The following B4GALNT4 variants were observed in gnomAD, a reference collection of about 807,000 sequenced individuals.
The protein encoded by B4GALNT4 is N-acetyl-beta-glucosaminyl-glycoprotein 4-beta-N-acetylgalactosaminyltransferase 1.
In B4GALNT4, 77 loss-of-function variants were observed where a neutral mutation model predicts 110.0. That is an observed-to-expected ratio of 0.70 (90% CI 0.58 to 0.85). B4GALNT4 has a LOEUF of 0.85. B4GALNT4 is among the 40% of genes least tolerant of loss of function. B4GALNT4 has a pLI of 0.00. For missense variants in B4GALNT4, 1,575 were observed against 1,506.0 expected (o/e 1.05, Z -0.76); for synonymous variants, 785 against 655.5 (o/e 1.20, Z -3.02).
intron 4 of B4GALNT4, 34 bp from the exon 5 acceptor site, chr11:372,992 G>C: frequency 6.2e-7 from 1 of 1,612,490 alleles, no homozygotes. Context: ...GGGCACGCAG[G>C]GGGCTTCGAC....
intron 14 of B4GALNT4, 28 bp downstream of exon 14, chr11:377,355 G>C: frequency 6.8e-7 from 1 of 1,474,274 alleles, no homozygotes; most frequent in East Asian, 2.7e-5. Context: ...CGCGCGCCAG[G>C]GCGGTTTTGG....
Position 371,262 on chromosome 11 carries a change from A to G in B4GALNT4, c.152-847A>G, listed in dbSNP as rs201720853. 7.2e-5 allele frequency among the ~76,000 whole-genome samples: 11 copies of G among 152,302 alleles called. No individual in the cohort carries two copies. The East Asian group carries it at 2.1e-3, about 29-fold the overall frequency. The stretch of plus-strand genomic sequence containing the variant: ...CTGCCCAGGGAGAGGGCGAGTGAGC[A>G]GACTGTTCTGTCGGGGGACCTGGGG... On this transcript the variant is annotated intron_variant, in intron 1 of 19. Transcript: ENST00000329962.
chr11:374,041 C>T (rs183040850), intron 8 of B4GALNT4, among the ~76,000 whole-genome samples: 5 of 152,114 alleles, frequency 3.3e-5, no homozygotes, highest in Admixed American at 1.3e-4. Context: ...GGATGGAGAC[C>T]TTCAGTAGGG....
chr11:381,895 G>A lies in B4GALNT4; in HGVS notation c.*103G>A. 1.5e-6 allele frequency: 2 copies of A among 1,335,470 alleles called. No individual in the cohort carries two copies. Among genetic ancestry groups the A allele is most frequent in the South Asian group, 1.7e-5 (1 of 59,172 alleles). 82.7% of individuals were successfully genotyped at this position (1,335,470 alleles called of 1,614,324 possible). A position where few individuals can be genotyped will look rare whatever the true frequency, so the allele number is the denominator to read the frequency against. ...AGACCCGGCAGGGCTGGTCAGAGGG[G>A]CACAGCCACCGCCTGTGCCTGCCCC... On this transcript the variant is annotated 3_prime_UTR_variant, in exon 20 of 20. Transcript: ENST00000329962.
In B4GALNT4 at chr11:376,537, G is replaced by C; in HGVS notation, c.1414G>C (p.Ala472Pro). 1 of 1,416,942 alleles carries C rather than the reference G, an allele frequency of 7.1e-7. No individual in the cohort carries two copies. Among genetic ancestry groups the C allele is most frequent in the South Asian group, 1.5e-5 (1 of 66,788 alleles). The allele number at this position is 1,416,942 out of a possible 1,614,324, so 87.8% of individuals were successfully genotyped here. A position where few individuals can be genotyped will look rare whatever the true frequency, so the allele number is the denominator to read the frequency against. ...PAPAAPAQPG[A>P]TLAPPTPPRP... ...CCCAGCAGCCCCCGCCCAGCCCGGA[G>C]CCACCCTCGCCCCGCCGACCCCTCC... Residue 472 changes from alanine (A) to proline (P), a missense_variant, in exon 14 of 20, where the codon GCC becomes CCC. Physicochemically the swap from Ala to Pro is conservative, Grantham distance 27. Transcript: ENST00000329962.
At position 369,927 on chromosome 11, in the gene B4GALNT4, C is replaced by T; in HGVS notation, c.124C>T (p.Leu42=). The T allele has an allele frequency of 1.0e-6, 1 of 977,764 alleles. No individual in the cohort carries two copies. The highest frequency in any genetic ancestry group is 1.8e-5 in the African/African-American group (1 of 55,462). 60.6% of individuals were successfully genotyped at this position (977,764 alleles called of 1,614,324 possible). Reference sequence around the variant, plus strand: ...GGGCCTGGTGCGCCAGGGACGCGCGCTGCGCCAGCGCCTGGGCTACGGGCG... The same window carrying T: ...GGGCCTGGTGCGCCAGGGACGCGCGTTGCGCCAGCGCCTGGGCTACGGGCG... ...HLGLVRQGRA[L]RQRLGYGRDG... Residue 42 remains leucine (L), a synonymous_variant, in exon 1 of 20, where the codon CTG becomes TTG. Coordinates refer to ENST00000329962, the MANE Select transcript of B4GALNT4 (RefSeq NM_178537.5).
chr11:370,195 C>A (rs533601508), intron 1 of B4GALNT4, among the ~76,000 whole-genome samples: 1 of 151,968 alleles, frequency 6.6e-6, no homozygotes, highest in East Asian at 1.9e-4. Context: ...CGCTCGATGA[C>A]GTCGGCAGTG....
intron 11 of B4GALNT4, 26 bp downstream of exon 11, chr11:375,982 C>T (rs1846738651): frequency 6.2e-7 from 1 of 1,608,170 alleles, no homozygotes; most frequent in South Asian, 1.1e-5. Context: ...GACCCCGTCT[C>T]CCGTCCGGGA....
At chr11:372,635 G>A (rs1316935126) in intron 2 of B4GALNT4, 27 bp from the exon 3 acceptor site, 2 of 1,596,614 alleles carry the variant, frequency 1.3e-6, no homozygotes, top group Non-Finnish European at 1.7e-6. Context: ...TTCCAACCCT[G>A]ACCCTGTTGC....
In B4GALNT4 at chr11:376,435, G is replaced by A; in HGVS notation, c.1312G>A (p.Glu438Lys). 2.5e-6 allele frequency: 4 copies of A among 1,597,312 alleles called. No homozygotes were observed. The highest frequency in any genetic ancestry group is 3.4e-6 in the Non-Finnish European group (4 of 1,178,514). The change falls in exon 14 of 20, where the codon GAG becomes AAG. Residue 438 changes from glutamate to lysine, a missense_variant. Physicochemically the swap from Glu to Lys is moderately conservative, Grantham distance 56. Transcript: ENST00000329962. ...GTTTCCCGCAGACTTCCTGGACGAC[G>A]AGGACGAGGGGGAGCTGCTCGACAG... ...FLNPDDFLDD[E>K]DEGELLDSLE...
rs968711923 is a variant in B4GALNT4 at position 380,498 on chromosome 11, C to T, written c.2869+53C>T. 3 of 1,536,028 alleles carry T rather than the reference C, an allele frequency of 2.0e-6. No individual in the cohort carries two copies. The South Asian group carries it at 3.5e-5, about 18-fold the overall frequency. On this transcript the variant is annotated intron_variant, in intron 18 of 19. Coordinates refer to ENST00000329962, the MANE Select transcript of B4GALNT4 (RefSeq NM_178537.5). ...ATACCAGGGTTCCCACCAACCGCCG[C>T]GGTAAAGTCCAGGAACCCGGGGCCT...
intron 8 of B4GALNT4, 66 bp from the exon 9 acceptor site, chr11:375,395 T>A (rs1846722333): frequency 6.5e-7 from 1 of 1,531,654 alleles, no homozygotes; most frequent in Non-Finnish European, 9.0e-7. Flanking sequence ...TGAGCCAGGG[T>A]AGACCCTTTC....
intron 17 of B4GALNT4, 39 bp from the exon 18 acceptor site, chr11:380,253 G>C: frequency 6.2e-7 from 1 of 1,609,376 alleles, no homozygotes; most frequent in South Asian, 1.1e-5. Flanking sequence ...TGCCCGGGGA[G>C]GAGCGGAGGG....
rs1176183341 is a variant in B4GALNT4, at chr11:376,995, C to T, written c.1872C>T (p.Pro624=). ...VDSNLSSEAR[P]VTSFLSLSQV... ...CAAACTTGTCCTCCGAAGCGCGGCC[C>T]GTGACCTCCTTCCTGAGCTTGTCCC... is the stretch of plus-strand genomic sequence containing the variant. The change falls in exon 14 of 20, where the codon CCC becomes CCT. Residue 624 remains proline, a synonymous_variant. Coordinates refer to ENST00000329962, the MANE Select transcript of B4GALNT4 (RefSeq NM_178537.5). 1.1e-5 allele frequency: 16 copies of T among 1,454,254 alleles called. No homozygotes were observed. The highest frequency in any genetic ancestry group is 7.5e-5 in the African/African-American group (5 of 66,540). The allele number at this position is 1,454,254 out of a possible 1,614,324, so 90.1% of individuals were successfully genotyped here. A position where few individuals can be genotyped will look rare whatever the true frequency, so the allele number is the denominator to read the frequency against.
chr11:381,161 C>T (rs1211337822), intron 19 of B4GALNT4: 7 of 984,132 alleles, frequency 7.1e-6, no homozygotes, highest in Admixed American at 6.2e-5. Flanking sequence ...CCTGCAAGGT[C>T]AGGGACATCC....
intron 13 of B4GALNT4, 21 bp from the exon 14 acceptor site, chr11:376,400 T>G: frequency 1.2e-6 from 2 of 1,602,042 alleles, no homozygotes; most frequent in Non-Finnish European, 1.7e-6. Flanking sequence ...GCAGGGAGCT[T>G]CTAACCCGCG....
intron 14 of B4GALNT4, 61 bp from the exon 15 acceptor site, chr11:379,357 A>C: frequency 1.4e-6 from 2 of 1,416,042 alleles, no homozygotes; most frequent in Non-Finnish European, 9.2e-7. Flanking sequence ...AGGGCGGACC[A>C]GGGTTGCGGG....
Position 376,509 on chromosome 11 carries a change from C to CGCCCCAGCA in B4GALNT4, c.1392_1400dup (p.Ala466_Ala468dup). 8.6e-6 allele frequency: 13 copies of CGCCCCAGCA among 1,516,550 alleles called. No homozygotes were observed. The highest frequency in any genetic ancestry group is 1.1e-5 in the Non-Finnish European group (13 of 1,138,998). The allele number at this position is 1,516,550 out of a possible 1,614,324, so 93.9% of individuals were successfully genotyped here. Reference sequence around the variant, plus strand: ...CGCCCAGGAGCGGCCCCCAGTCCCCCGCCCCAGCAGCCCCCGCCCAGCCCG... The same window carrying CGCCCCAGCA: ...CGCCCAGGAGCGGCCCCCAGTCCCCCGCCCCAGCAGCCCCAGCAGCCCCCGCCCAGCCCG... On this transcript the variant is annotated inframe_insertion, in exon 14 of 20. Coordinates refer to ENST00000329962, the MANE Select transcript of B4GALNT4 (RefSeq NM_178537.5).
intron 14 of B4GALNT4, among the ~76,000 whole-genome samples, chr11:378,145 T>C (rs905336331): frequency 6.6e-6 from 1 of 150,548 alleles, no homozygotes; most frequent in African/African-American, 2.5e-5. Context: ...TGATGGAAGG[T>C]TGCGAGCAGA....
Sources: allele counts gnomAD v4.1 joint callset (sites outside exome capture counted in the v4.1 genomes callset), GRCh38; gene constraint gnomAD v4.1.1; transcripts MANE v1.5; gene names NCBI Gene and HGNC (gene_info 2026-07-23, HGNC 2026-07-21).